Variants in PDE1C observed in about 807,000 individuals in gnomAD.
PDE1C encodes the protein dual specificity calcium/calmodulin-dependent 3',5'-cyclic nucleotide phosphodiesterase 1C.
A neutral mutation model predicts 93.1 loss-of-function variants in PDE1C; 62 were observed. The ratio of observed to expected loss-of-function variants is 0.67; its 90% CI spans 0.54 to 0.82. PDE1C has a LOEUF of 0.82. Among genes scored for constraint, PDE1C ranks in the 40% least tolerant of loss-of-function variants. The pLI is 0.00. For missense variants in PDE1C, 742 were observed against 884.6 expected (o/e 0.84, Z 2.04); for synonymous variants, 325 against 310.1 (o/e 1.05, Z -0.50).
intron 1 of PDE1C, among the ~76,000 whole-genome samples, chr7:32,229,665 T>C (rs752005434): frequency 1.3e-5 from 2 of 152,178 alleles, no homozygotes; most frequent in Admixed American, 1.3e-4. Context: ...CAATCTGTAA[T>C]CTACCTCAAA....
Position 31,837,951 on chromosome 7 carries a change from A to T in PDE1C, c.1001T>A (p.Ile334Asn), listed in dbSNP as rs374236866. The T allele has an allele frequency of 6.2e-7, 1 of 1,613,060 alleles. No homozygotes were observed. Among genetic ancestry groups the T allele is most frequent in the Non-Finnish European group, 8.5e-7 (1 of 1,179,066 alleles). Residue 334 changes from isoleucine to asparagine, a missense_variant, in exon 10 of 18, where the codon ATT becomes AAT. By Grantham distance (149) the Ile-to-Asn change is moderately radical (BLOSUM62 -3). Around this residue, in one of 4 missense-constraint regions of PDE1C, gnomAD observed 205 missense variants for 295.3 expected, o/e 0.69. Coordinates refer to ENST00000396191, the MANE Select transcript of PDE1C (RefSeq NM_001191057.4). ...CATATCTGTGGCCATCACCATTTCA[A>T]TTACCAAGGTTCGAAACTCCCTTTT... ...DDWREFRTLV[I>N]EMVMATDMSC...
At chr7:32,240,751 G>C (rs1169316708) in intron 1 of PDE1C, among the ~76,000 whole-genome samples, 4 of 152,192 alleles carry the variant, frequency 2.6e-5, no homozygotes, top group African/African-American at 9.6e-5. Flanking sequence ...GATATGACCT[G>C]ACATGTTTTT....
chr7:31,824,739 C>CAAATTTTTCTGAG, intron 13 of PDE1C, 128 bp downstream of exon 13: 1 of 1,212,900 alleles, frequency 8.2e-7, no homozygotes, highest in South Asian at 1.4e-5. Context: ...AAGAGGCAGA[C>CAAATTTTTCTGAG]AAATTTTTCT....
chr7:32,204,726 C>A (rs1473468631), intron 2 of PDE1C, among the ~76,000 whole-genome samples: 2 of 152,202 alleles, frequency 1.3e-5, no homozygotes, highest in African/African-American at 4.8e-5. Context: ...CTATTATCCC[C>A]ATTCAGACCC....
chr7:32,330,817 G>A (rs1179932384), intron 1 of PDE1C, among the ~76,000 whole-genome samples: 1 of 152,212 alleles, frequency 6.6e-6, no homozygotes, highest in African/African-American at 2.4e-5. Flanking sequence ...AACACTATGG[G>A]TGGGACAGAA....
the PDE1C span, chr7:31,651,317 G>T: frequency 6.3e-7 from 1 of 1,593,044 alleles, no homozygotes; most frequent in South Asian, 1.1e-5. Context: ...CCACACACCT[G>T]GAGCAAGGAA....
chr7:32,295,709 C>A (rs215604), intron 1 of PDE1C, among the ~76,000 whole-genome samples: 2 of 151,994 alleles, frequency 1.3e-5, no homozygotes, highest in Non-Finnish European at 1.5e-5. Context: ...GGCTAACACA[C>A]TGAAACCCCA....
chr7:31,711,211 C>T, the PDE1C span, among the ~76,000 whole-genome samples: 2 of 152,124 alleles, frequency 1.3e-5, no homozygotes, highest in African/African-American at 4.8e-5. Flanking sequence ...TCCTCGTGTT[C>T]TTATAATTAT....
intron 2 of PDE1C, among the ~76,000 whole-genome samples, chr7:32,016,840 C>A (rs557758323): frequency 1.6e-4 from 25 of 152,274 alleles, no homozygotes; most frequent in African/African-American, 5.5e-4. Flanking sequence ...GACAATACTT[C>A]TCTGGATAAC....
intron 16 of PDE1C, among the ~76,000 whole-genome samples, chr7:31,808,483 G>A (rs1787131221): frequency 6.6e-6 from 1 of 151,920 alleles, no homozygotes; most frequent in Non-Finnish European, 1.5e-5. Flanking sequence ...CTTGCGTTTT[G>A]CATTGTCATT....
the PDE1C span, among the ~76,000 whole-genome samples, chr7:31,626,259 A>G: frequency 1.2e-4 from 18 of 152,336 alleles, no homozygotes; most frequent in African/African-American, 4.3e-4. Context: ...ACTTTGTGTG[A>G]CTAAAGATAT....
chr7:31,849,555 T>C (rs1251414825), intron 8 of PDE1C, among the ~76,000 whole-genome samples: 1 of 152,200 alleles, frequency 6.6e-6, no homozygotes, highest in Non-Finnish European at 1.5e-5. Context: ...CAATATTGTC[T>C]TCTTTTGTGT....
At chr7:32,239,440 A>G (rs1263003903) in intron 1 of PDE1C, among the ~76,000 whole-genome samples, 1 of 152,206 alleles carries the variant, frequency 6.6e-6, no homozygotes, top group African/African-American at 2.4e-5. Context: ...ACCAGAGAGC[A>G]GAAGAATATA....
In PDE1C at chr7:32,070,371, A is replaced by G. The variant is rs1467848571; in HGVS notation, c.23T>C (p.Ile8Thr). 5.6e-6 allele frequency: 9 copies of G among 1,614,016 alleles called. No individual in the cohort carries two copies. In the Admixed American group the frequency reaches 6.7e-5, roughly 12 times the overall value. Residue 8 changes from isoleucine to threonine, a missense_variant, in exon 1 of 18, where the codon ATT becomes ACT. Transcript: ENST00000396191. ...CAGAGAGTTGCTCTCAAATTCTTCA[A>G]TCTCCTTGGTTGGCGACTCCATAGC... MESPTKE[I>T]EEFESNSLKY... is the part of the protein sequence containing the mutation.
chr7:31,809,026 C>A lies in PDE1C; in HGVS notation c.1891+5G>T. On this transcript the variant is annotated splice_donor_5th_base_variant and intron_variant, in intron 16 of 17. Coordinates refer to ENST00000396191, the MANE Select transcript of PDE1C (RefSeq NM_001191057.4). The stretch of plus-strand genomic sequence containing the variant: ...GGAAAAATGTAATGAGAATAATACT[C>A]TTACCATCTGTTTTCTTTGAATCAT... The A allele has an allele frequency of 6.6e-7, 1 of 1,507,380 alleles. No homozygotes were observed. The highest frequency in any genetic ancestry group is 1.1e-5 in the South Asian group (1 of 88,692). The allele number at this position is 1,507,380 out of a possible 1,614,324, so 93.4% of individuals were successfully genotyped here.
At chr7:32,270,968 T>TA (rs35188474) in intron 1 of PDE1C, among the ~76,000 whole-genome samples, 2 of 145,988 alleles carry the variant, frequency 1.4e-5, no homozygotes, top group Non-Finnish European at 3.0e-5. Context: ...CCGTCTCTAC[T>TA]AAAAAAAGAA....
chr7:32,113,824 T>C (rs1798823432), intron 3 of PDE1C, among the ~76,000 whole-genome samples: 1 of 152,082 alleles, frequency 6.6e-6, no homozygotes, highest in Non-Finnish European at 1.5e-5. Flanking sequence ...AAGATAATCC[T>C]ATACACCAAC....
intron 1 of PDE1C, among the ~76,000 whole-genome samples, chr7:32,323,933 G>A (rs1182561880): frequency 6.6e-6 from 1 of 152,108 alleles, no homozygotes; most frequent in East Asian, 1.9e-4. Flanking sequence ...CTGTACATGT[G>A]TCTCCCACTA....
intron 2 of PDE1C, among the ~76,000 whole-genome samples, chr7:31,935,514 A>G (rs1804921716): frequency 6.6e-6 from 1 of 152,082 alleles, no homozygotes; most frequent in Non-Finnish European, 1.5e-5. Context: ...AAAATCCATC[A>G]ATGCGAAGGT....
Sources: gnomAD v4.1 joint callset for allele counts (sites outside exome capture counted in the v4.1 genomes callset) on GRCh38, gnomAD v4.1.1 for gene constraint, gnomAD v4.1.1 regional missense constraint, MANE v1.5 for transcripts, NCBI Gene and HGNC (gene_info 2026-07-23, HGNC 2026-07-21) for gene names.